DOP1A: variants seen among roughly 807,000 people sequenced by gnomAD.
DOP1A encodes protein DOP1A.
DOP1A carries 90 observed loss-of-function variants against 267.6 expected under a neutral mutation model. The observed-to-expected ratio is 0.34, with a 90% CI of 0.28 to 0.40. The LOEUF (loss-of-function observed/expected upper bound fraction) is 0.40, where lower values mean the gene tolerates loss of function less well. Ranked by LOEUF, DOP1A falls within the 10% of genes least tolerant of loss-of-function variation. The pLI, the probability that DOP1A is intolerant of heterozygous loss-of-function variation, is 1.00. For missense variants in DOP1A, 2,437 were observed against 2,900.4 expected (o/e 0.84, Z 3.67); for synonymous variants, 932 against 999.1 (o/e 0.93, Z 1.27).
At chr6:83,094,656 G>A (rs567566164) in intron 1 of DOP1A, among the ~76,000 whole-genome samples, 4 of 152,250 alleles carry the variant, frequency 2.6e-5, no homozygotes, top group South Asian at 2.1e-4. Flanking sequence ...GTCATTTTAC[G>A]TACTTATTGA....
chr6:83,131,772 A>T (rs1778079460), intron 17 of DOP1A, among the ~76,000 whole-genome samples: 1 of 151,892 alleles, frequency 6.6e-6, no homozygotes, highest in Non-Finnish European at 1.5e-5. Context: ...AGTAGCTGGG[A>T]TTACAGGTGC....
intron 1 of DOP1A, among the ~76,000 whole-genome samples, chr6:83,072,732 G>A (rs145662557): frequency 0.015 from 2,210 of 152,270 alleles, 22 homozygotes; most frequent in Non-Finnish European, 0.023. Context: ...ATTATATTAT[G>A]AAAAGGTACT....
chr6:83,097,145 G>A (rs1372534100), intron 3 of DOP1A, 30 bp downstream of exon 3: 2 of 1,596,114 alleles, frequency 1.3e-6, no homozygotes, highest in Non-Finnish European at 1.7e-6. Context: ...TTCATAAAAG[G>A]AGTAAAAATT....
intron 6 of DOP1A, 80 bp downstream of exon 6, chr6:83,110,394 G>A (rs985912984): frequency 2.2e-6 from 3 of 1,350,456 alleles, no homozygotes; most frequent in East Asian, 5.0e-5. Flanking sequence ...ATTGAGGATT[G>A]TATAATGAAC....
At position 83,097,013 on chromosome 6, in the gene DOP1A, C is replaced by T; in HGVS notation, c.36C>T (p.Ser12=). 1 of 1,613,978 alleles carries T rather than the reference C, an allele frequency of 6.2e-7. No individual in the cohort carries two copies. Among genetic ancestry groups the T allele is most frequent in the Non-Finnish European group, 8.5e-7 (1 of 1,179,954 alleles). Residue 12 remains serine, a synonymous_variant, in exon 3 of 39, where the codon TCC becomes TCT. Transcript: ENST00000349129. ...AAGAGCTGGAGTTATTGAGTGACTC[C>T]AAATACAGAAACTATGTAGCAGCAA... The part of the protein sequence containing the change: ...NTEELELLSD[S]KYRNYVAAID...
intron 38 of DOP1A, chr6:83,166,433 T>C (rs1437787673): frequency 2.8e-6 from 2 of 702,004 alleles, no homozygotes; most frequent in Non-Finnish European, 5.2e-6. Context: ...AAATGCATTG[T>C]TGATGTTGTG....
At chr6:83,157,459 A>C in intron 35 of DOP1A, 141 bp downstream of exon 35, 1 of 879,446 alleles carries the variant, frequency 1.1e-6, no homozygotes, top group Non-Finnish European at 1.8e-6. Flanking sequence ...TTTACAGTTG[A>C]AAATAGTAAA....
chr6:83,132,526 C>T (rs1562338675), intron 18 of DOP1A, among the ~76,000 whole-genome samples, 198 bp downstream of exon 18: 1 of 151,932 alleles, frequency 6.6e-6, no homozygotes, highest in Non-Finnish European at 1.5e-5. Flanking sequence ...TTTACAAAAG[C>T]ATCAGTAATA....
At chr6:83,113,162 A>T (rs1446752017) in intron 6 of DOP1A, among the ~76,000 whole-genome samples, 161 bp from the exon 7 acceptor site, 3 of 152,160 alleles carry the variant, frequency 2.0e-5, no homozygotes, top group Admixed American at 1.3e-4. Flanking sequence ...TAATTTTTAA[A>T]CCATCATTAT....
chr6:83,114,368 G>C lies in DOP1A; in HGVS notation c.780+947G>C, dbSNP rs538979564. On this transcript the variant is annotated intron_variant, in intron 7 of 38. Transcript: ENST00000349129. Reference sequence around the variant, plus strand: ...CCTCTGGCTTTTCACAAAAACAACTGTTGAGTCATCTCAGCGTAATCTAAA... The same window carrying C: ...CCTCTGGCTTTTCACAAAAACAACTCTTGAGTCATCTCAGCGTAATCTAAA... 2.6e-5 allele frequency among the ~76,000 whole-genome samples: 4 copies of C among 152,274 alleles called. No individual in the cohort carries two copies. In the South Asian group the frequency reaches 8.3e-4, roughly 32 times the overall value.
At chr6:83,073,032 G>T (rs925140732) in intron 1 of DOP1A, 1 of 344,404 alleles carries the variant, frequency 2.9e-6, no homozygotes, top group Non-Finnish European at 5.8e-6. Flanking sequence ...GTGTTTGAAT[G>T]ACTTCCATAT....
chr6:83,170,592 CTTCT>C (rs1449379935), downstream of DOP1A: 1 of 810,192 alleles, frequency 1.2e-6, no homozygotes. Context: ...TACATTAAAA[CTTCT>C]TTCTCCAAGG....
intron 1 of DOP1A, among the ~76,000 whole-genome samples, chr6:83,085,764 G>GT (rs1228843081): frequency 1.3e-5 from 2 of 149,658 alleles, no homozygotes; most frequent in African/African-American, 2.5e-5. Context: ...CCATTGATGG[G>GT]TTTTTTGCGG....
intron 9 of DOP1A, 73 bp downstream of exon 9, chr6:83,119,930 C>A: frequency 8.0e-7 from 1 of 1,254,810 alleles, no homozygotes. Context: ...AAGACGAGGT[C>A]TTGCCTTAAT....
At position 83,147,178 on chromosome 6, in the gene DOP1A, A is replaced by G. The variant is rs139230715; in HGVS notation, c.5677-58A>G. On this transcript the variant is annotated intron_variant, in intron 25 of 38. Transcript: ENST00000349129. The stretch of plus-strand genomic sequence containing the variant: ...AGTAAGATACAGAGTAGTTGCAACA[A>G]TGAAAAAGCAAAGGCAGTATTCTTC... The G allele has an allele frequency of 6.2e-3, 5,526 of 888,044 alleles. 23 individuals are homozygous for G. Among genetic ancestry groups the G allele is most frequent in the Non-Finnish European group, 8.4e-3 (4,840 of 579,190 alleles). The allele number at this position is 888,044 out of a possible 1,614,324, so 55.0% of individuals were successfully genotyped here. A position where few individuals can be genotyped will look rare whatever the true frequency, so the allele number is the denominator to read the frequency against.
chr6:83,170,239 T>C (rs908295888), downstream of DOP1A: 9 of 1,449,070 alleles, frequency 6.2e-6, no homozygotes, highest in Non-Finnish European at 8.7e-6. Context: ...CTAAAAACCA[T>C]TAAAATAGTT....
intron 38 of DOP1A, chr6:83,166,872 C>CA (rs1785824111): frequency 2.0e-6 from 2 of 993,774 alleles, no homozygotes; most frequent in Non-Finnish European, 2.4e-6. Context: ...GTTAATATGA[C>CA]AGATTGTAAT....
Position 83,138,376 on chromosome 6 carries a change from A to C in DOP1A, c.4334A>C (p.His1445Pro), listed in dbSNP as rs1392932424. ...AGTCACATTCCAGTGGACTCAAATC[A>C]TAACTTCCGGAGTTCTATGTACATA... ...FYSHIPVDSNHNFRSSMYIEI... is the reference protein window; with the variant it reads ...FYSHIPVDSNPNFRSSMYIEI... Residue 1445 changes from histidine to proline, a missense_variant, in exon 21 of 39, where the codon CAT (histidine) becomes CCT (proline). By Grantham distance (77) the His-to-Pro change is moderately conservative. Coordinates refer to ENST00000349129, the MANE Select transcript of DOP1A (RefSeq NM_015018.4). The C allele has an allele frequency of 6.2e-7, 1 of 1,610,804 alleles. No homozygotes were observed. The highest frequency in any genetic ancestry group is 1.3e-5 in the African/African-American group (1 of 74,918).
intron 33 of DOP1A, among the ~76,000 whole-genome samples, chr6:83,154,810 T>TA (rs1268734246): frequency 1.3e-5 from 2 of 152,204 alleles, no homozygotes; most frequent in Non-Finnish European, 1.5e-5. Flanking sequence ...AAAAGAGTTT[T>TA]AAAAAACGTT....
Sources: gnomAD v4.1 joint callset for allele counts (sites outside exome capture counted in the v4.1 genomes callset) on GRCh38, gnomAD v4.1.1 for gene constraint, MANE v1.5 for transcripts, NCBI Gene and HGNC (gene_info 2026-07-23, HGNC 2026-07-21) for gene names.